Variants in DGKB observed in about 807,000 individuals in gnomAD.
The protein encoded by DGKB is 90 kDa diacylglycerol kinase.
A neutral mutation model predicts 114.3 loss-of-function variants in DGKB; 67 were observed. That is an observed-to-expected ratio of 0.59 (90% CI 0.48 to 0.72). The LOEUF is 0.72. DGKB is among the 30% of genes least tolerant of loss of function. The probability of loss-of-function intolerance (pLI) is 0.00; values close to 1 mark genes in which losing one functional copy is unlikely to be tolerated. For missense variants in DGKB, 907 were observed against 975.2 expected (o/e 0.93, Z 0.93); for synonymous variants, 398 against 323.1 (o/e 1.23, Z -2.49).
intron 2 of DGKB, among the ~76,000 whole-genome samples, chr7:14,763,682 A>G (rs1836038496): frequency 6.6e-6 from 1 of 152,108 alleles, no homozygotes; most frequent in South Asian, 2.1e-4. Flanking sequence ...ACTCCTATAC[A>G]GTAAATATAT....
intron 23 of DGKB, among the ~76,000 whole-genome samples, chr7:14,251,308 A>G (rs1342114184): frequency 6.6e-6 from 1 of 151,326 alleles, no homozygotes; most frequent in East Asian, 1.9e-4. Context: ...CTTTTTGGTT[A>G]TCTGGGGATG....
At position 14,148,848 on chromosome 7, in the gene DGKB, G is replaced by C. The variant is rs546613979; in HGVS notation, c.*283C>G. On this transcript the variant is annotated 3_prime_UTR_variant, in exon 26 of 26. Coordinates refer to ENST00000402815, the MANE Select transcript of DGKB (RefSeq NM_001350709.2). ...AGGTTAGTAAAAGGAAATTGGGGAAGAGTTGGGTGGGAGATGTAAAAATCT... is the reference window on the plus strand; with the variant it reads ...AGGTTAGTAAAAGGAAATTGGGGAACAGTTGGGTGGGAGATGTAAAAATCT... 2.4e-6 allele frequency: 1 copy of C among 417,492 alleles called. No homozygotes were observed. The highest frequency in any genetic ancestry group is 4.3e-6 in the Non-Finnish European group (1 of 232,116). 25.9% of individuals were successfully genotyped at this position (417,492 alleles called of 1,614,324 possible). A position where few individuals can be genotyped will look rare whatever the true frequency, so the allele number is the denominator to read the frequency against.
At chr7:14,572,002 G>C (rs1227075884) in intron 20 of DGKB, among the ~76,000 whole-genome samples, 2 of 152,076 alleles carry the variant, frequency 1.3e-5, no homozygotes, top group Non-Finnish European at 2.9e-5. Context: ...AAAACGAGGA[G>C]ATATGCAAAG....
At chr7:14,882,067 T>TA (rs150465439) in intron 1 of DGKB, among the ~76,000 whole-genome samples, 7,355 of 151,606 alleles carry the variant, frequency 0.049, 587 homozygotes, top group African/African-American at 0.17. Context: ...ATTTTTAACT[T>TA]AAAAAAAAAT....
At chr7:14,399,398 A>G (rs946813051) in intron 21 of DGKB, among the ~76,000 whole-genome samples, 3 of 151,724 alleles carry the variant, frequency 2.0e-5, no homozygotes, top group African/African-American at 7.2e-5. Context: ...ATGCCCTAAA[A>G]CCTAAATATT....
intron 21 of DGKB, among the ~76,000 whole-genome samples, chr7:14,451,374 G>C (rs1831456219): frequency 6.6e-6 from 1 of 151,988 alleles, no homozygotes. Flanking sequence ...TCTGCCTTCA[G>C]GTTTGGACTC....
intron 17 of DGKB, among the ~76,000 whole-genome samples, chr7:14,598,057 G>C (rs891685279): frequency 1.3e-5 from 2 of 152,068 alleles, no homozygotes; most frequent in Non-Finnish European, 2.9e-5. Context: ...GGAAATTATT[G>C]TATCAGTAGT....
Position 14,673,025 on chromosome 7 carries a change from C to A in DGKB, c.1038G>T (p.Leu346=), listed in dbSNP as rs776067635. The change falls in exon 13 of 26, where the codon CTG becomes CTT. Residue 346 remains leucine, a splice_region_variant and synonymous_variant. Transcript: ENST00000402815. ...GLHCVWCQIT[L]HNKCASHLKP... ...TTAGATGAGAAGCACATTTATTATG[C>A]AGCTAGAAAAACAGAAAGGGGGATA... 2.6e-6 allele frequency: 4 copies of A among 1,558,514 alleles called. No homozygotes were observed. In the South Asian group the frequency reaches 4.7e-5, roughly 18 times the overall value.
chr7:14,550,806 T>C (rs766001232), intron 20 of DGKB, among the ~76,000 whole-genome samples: 2 of 152,048 alleles, frequency 1.3e-5, no homozygotes, highest in East Asian at 1.9e-4. Context: ...TAATAAAAAA[T>C]GACAGCTTCT....
At chr7:14,343,365 C>T (rs1348755299) in intron 22 of DGKB, among the ~76,000 whole-genome samples, 3 of 151,706 alleles carry the variant, frequency 2.0e-5, no homozygotes, top group African/African-American at 7.3e-5. Context: ...TTCTAGTAGC[C>T]CAGATTTCTT....
At chr7:14,692,686 A>AAT (rs1823085308) in intron 9 of DGKB, among the ~76,000 whole-genome samples, 1 of 150,592 alleles carries the variant, frequency 6.6e-6, no homozygotes, top group Admixed American at 6.6e-5. Flanking sequence ...TATTAACAAT[A>AAT]ATATATATAT....
chr7:14,763,779 T>G (rs1419514779), intron 2 of DGKB, among the ~76,000 whole-genome samples: 1 of 152,076 alleles, frequency 6.6e-6, no homozygotes, highest in African/African-American at 2.4e-5. Context: ...CTGTTAAAGC[T>G]AAGACCCAAC....
chr7:14,188,910 C>CACTGTT (rs1783886541), intron 23 of DGKB, among the ~76,000 whole-genome samples: 2 of 151,672 alleles, frequency 1.3e-5, no homozygotes, highest in South Asian at 4.1e-4. Flanking sequence ...AAAAAGCTGT[C>CACTGTT]AGTTGAGAAT....
intron 2 of DGKB, among the ~76,000 whole-genome samples, chr7:14,766,454 G>C (rs958334572): frequency 6.6e-6 from 1 of 151,782 alleles, no homozygotes; most frequent in African/African-American, 2.4e-5. Flanking sequence ...TTGTAGATTT[G>C]AGCAATTGGA....
chr7:14,462,601 C>G (rs1367550541), intron 21 of DGKB, among the ~76,000 whole-genome samples: 1 of 152,162 alleles, frequency 6.6e-6, no homozygotes. Flanking sequence ...AGGACACCAA[C>G]AAATGGAAAA....
intron 21 of DGKB, among the ~76,000 whole-genome samples, chr7:14,462,527 A>T (rs1005372846): frequency 1.3e-5 from 2 of 152,200 alleles, no homozygotes; most frequent in African/African-American, 4.8e-5. Context: ...TAAAATACCT[A>T]GGAATACAAC....
At chr7:14,593,583 T>C (rs1416954436) in intron 17 of DGKB, among the ~76,000 whole-genome samples, 1 of 151,938 alleles carries the variant, frequency 6.6e-6, no homozygotes, top group African/African-American at 2.4e-5. Context: ...TTTGTAAATA[T>C]ATTTGTTAAA....
chr7:14,788,291 A>G (rs970055388), intron 2 of DGKB, among the ~76,000 whole-genome samples: 1 of 152,244 alleles, frequency 6.6e-6, no homozygotes, highest in Non-Finnish European at 1.5e-5. Flanking sequence ...CTGAGGATGC[A>G]GCAGAAGATC....
At chr7:14,627,456 T>A (rs1404484108) in intron 14 of DGKB, among the ~76,000 whole-genome samples, 1 of 152,088 alleles carries the variant, frequency 6.6e-6, no homozygotes, top group African/African-American at 2.4e-5. Context: ...TTACAAGATT[T>A]CTGTTAAGGA....
Sources: allele counts gnomAD v4.1 joint callset (sites outside exome capture counted in the v4.1 genomes callset), GRCh38; gene constraint gnomAD v4.1.1; transcripts MANE v1.5; gene names NCBI Gene and HGNC (gene_info 2026-07-23, HGNC 2026-07-21).